HARS1: variants seen among roughly 807,000 people sequenced by gnomAD.
HARS1 encodes histidine--tRNA ligase, cytoplasmic.
In HARS1, 45 loss-of-function variants were observed where a neutral mutation model predicts 63.6. The ratio of observed to expected loss-of-function variants is 0.71; its 90% CI spans 0.56 to 0.91. HARS1 has a LOEUF of 0.91. Among genes scored for constraint, HARS1 ranks in the 40% least tolerant of loss-of-function variants. The pLI is 0.00. For missense variants in HARS1, 508 were observed against 643.2 expected, an observed-to-expected ratio of 0.79 and a Z score of 2.27; for synonymous variants, 205 against 247.1, an observed-to-expected ratio of 0.83 and a Z score of 1.60.
Position 140,673,940 on chromosome 5 carries a change from T to C in HARS1, c.*317A>G, listed in dbSNP as rs1758187872. 4 of 554,496 alleles carry C rather than the reference T, an allele frequency of 7.2e-6. No individual in the cohort carries two copies. Among genetic ancestry groups the C allele is most frequent in the East Asian group, 3.2e-5 (1 of 31,508 alleles). 34.3% of individuals were successfully genotyped at this position (554,496 alleles called of 1,614,324 possible). A position where few individuals can be genotyped will look rare whatever the true frequency, so the allele number is the denominator to read the frequency against. The stretch of plus-strand genomic sequence containing the variant: ...AGGCATTTTATTGGACCTTTGGCAA[T>C]TGGTGGTGGGGAGGCATCTGCTCCA... On this transcript the variant is annotated 3_prime_UTR_variant, in exon 13 of 13. Transcript: ENST00000504156.
At position 140,680,907 on chromosome 5, in the gene HARS1, T is replaced by TA. The variant is rs148394305; in HGVS notation, c.301-1025dup. 6.3e-3 allele frequency among the ~76,000 whole-genome samples: 949 copies of TA among 150,570 alleles called. 3 individuals are homozygous for TA. The highest frequency in any genetic ancestry group is 0.04 in the East Asian group (204 of 5,120). Reference sequence around the variant, plus strand: ...TTAGGTATATAGCTCTTTTTTTTTTTAAAAAAAAGTATTTTTCTTGATGAT... The same window carrying TA: ...TTAGGTATATAGCTCTTTTTTTTTTTAAAAAAAAAGTATTTTTCTTGATGAT... On this transcript the variant is annotated intron_variant, in intron 3 of 12. Transcript: ENST00000504156.
chr5:140,687,910 G>T (rs910104812), intron 2 of HARS1: 1 of 152,064 alleles, frequency 6.6e-6, no homozygotes, highest in Non-Finnish European at 1.5e-5. Context: ...CAAGACCAGC[G>T]CAGCCAACAC....
intron 5 of HARS1, chr5:140,678,717 G>A (rs944297038): frequency 1.1e-4 from 26 of 231,566 alleles, no homozygotes; most frequent in African/African-American, 5.0e-4. Context: ...AGTGGCAGGC[G>A]CCTGTAATCC....
Position 140,677,627 on chromosome 5 carries a change from A to G in HARS1, c.729+28T>C. The G allele has an allele frequency of 2.7e-6, 4 of 1,474,076 alleles. No individual in the cohort carries two copies. The East Asian group carries it at 6.8e-5, about 25-fold the overall frequency. 91.3% of individuals were successfully genotyped at this position (1,474,076 alleles called of 1,614,324 possible). On this transcript the variant is annotated intron_variant, in intron 7 of 12. Coordinates refer to ENST00000504156, the MANE Select transcript of HARS1 (RefSeq NM_002109.6). ...TTCCCAAGGCAGGGTGGGATCTGGG[A>G]AAAGAAGTCAAGTACTTGGGTTGTT...
chr5:140,687,218 T>C (rs1279921934), intron 2 of HARS1, among the ~76,000 whole-genome samples: 1 of 152,132 alleles, frequency 6.6e-6, no homozygotes, highest in Non-Finnish European at 1.5e-5. Flanking sequence ...TCCTCAAGGG[T>C]CAAGATTCAA....
rs777212411 is a variant in HARS1 at position 140,690,854 on chromosome 5, CCTTG to C, written c.177_180del (p.Lys60AlafsTer19). ...GTGGCTCCCTACAGGAATGATATTA[CCTTG>C]GGGGTTTTGAGCACAAATTTCTGTT... On this transcript the variant is annotated frameshift_variant and splice_region_variant, in exon 2 of 13. Coordinates refer to ENST00000504156, the MANE Select transcript of HARS1 (RefSeq NM_002109.6). LOFTEE classifies it high-confidence loss of function. The C allele has an allele frequency of 6.5e-7, 1 of 1,550,368 alleles. No homozygotes were observed. Among genetic ancestry groups the C allele is most frequent in the South Asian group, 1.1e-5 (1 of 89,824 alleles).
chr5:140,679,171 T>G lies in HARS1; in HGVS notation c.397-44A>C, dbSNP rs1241373478. ...GGAGAAAGCCCCTCCTATCACTGTCTGCAAGTTGATTATCATCACCAACAG... is the reference window on the plus strand; with the variant it reads ...GGAGAAAGCCCCTCCTATCACTGTCGGCAAGTTGATTATCATCACCAACAG... On this transcript the variant is annotated intron_variant, in intron 4 of 12. Coordinates refer to ENST00000504156, the MANE Select transcript of HARS1 (RefSeq NM_002109.6). The surrounding 1 kb of genome is among the most constrained non-coding windows in gnomAD (Gnocchi z 4.3). 20 of 1,605,106 alleles carry G rather than the reference T, an allele frequency of 1.2e-5. No homozygotes were observed. In the Admixed American group the frequency reaches 3.4e-4, roughly 27 times the overall value.
At chr5:140,684,966 A>C (rs1011157019) in intron 2 of HARS1, 1 of 152,212 alleles carries the variant, frequency 6.6e-6, no homozygotes, top group Non-Finnish European at 1.5e-5. Flanking sequence ...CTCATATGTG[A>C]TTTTTGCATT....
At chr5:140,683,430 C>T in intron 2 of HARS1, 1 of 969,548 alleles carries the variant, frequency 1.0e-6, no homozygotes. Flanking sequence ...AACTCCATTC[C>T]CTTTTAAGTT....
chr5:140,678,308 C>A, intron 5 of HARS1: 1 of 430,854 alleles, frequency 2.3e-6, no homozygotes, highest in Non-Finnish European at 4.2e-6. Context: ...CCCTATTCAT[C>A]CAGAAGCCCT....
rs1012675707 is a variant in HARS1, at chr5:140,676,879, G to C, written c.969C>G (p.Ser323Arg). Reference sequence around the variant, plus strand: ...TGTAGTAATCCAGCCCTCGAGCAAGGCTCAGGTCAAAGGAGATCTGTGGAG... The same window carrying C: ...TGTAGTAATCCAGCCCTCGAGCAAGCCTCAGGTCAAAGGAGATCTGTGGAG... ...GIDDKISFDL[S>R]LARGLDYYTG... The change falls in exon 10 of 13, where the codon AGC (serine) becomes AGG (arginine). Residue 323 changes from serine (S) to arginine (R), a missense_variant. Transcript: ENST00000504156. This position sits in a 1 kb window ranked among gnomAD's most constrained non-coding sequence, Gnocchi z 4.1. 1 of 1,613,700 alleles carries C rather than the reference G, an allele frequency of 6.2e-7. No individual in the cohort carries two copies. Among genetic ancestry groups the C allele is most frequent in the African/African-American group, 1.3e-5 (1 of 74,924 alleles).
chr5:140,690,769 A>C (rs1581531390), intron 2 of HARS1, 86 bp downstream of exon 2: 3 of 814,964 alleles, frequency 3.7e-6, no homozygotes, highest in Admixed American at 1.7e-5. Flanking sequence ...ATCCTCCTCA[A>C]TGACCTGGTT....
chr5:140,677,824 T>C (rs1390934901), intron 6 of HARS1, 71 bp from the exon 7 acceptor site: 4 of 1,377,222 alleles, frequency 2.9e-6, no homozygotes, highest in Non-Finnish European at 1.0e-6. Context: ...CATGGTCACT[T>C]AGGCTACTGG....
chr5:140,678,932 C>T lies in HARS1; in HGVS notation c.522+70G>A, dbSNP rs145059663. 1.6e-5 allele frequency: 24 copies of T among 1,526,472 alleles called. No individual in the cohort carries two copies. The East Asian group carries it at 5.2e-4, about 33-fold the overall frequency. 94.6% of individuals were successfully genotyped at this position (1,526,472 alleles called of 1,614,324 possible). On this transcript the variant is annotated intron_variant, in intron 5 of 12. Coordinates refer to ENST00000504156, the MANE Select transcript of HARS1 (RefSeq NM_002109.6). ...CAATTTGCTCAGGACACCGTGAGTA[C>T]TCAATAGATTCTGCTGGCTTGAGAG...
chr5:140,679,378 G>A lies in HARS1; in HGVS notation c.397-251C>T, dbSNP rs1242887475. ...ACTTTTTTGAGCATGGCAAGGGGCTGGGCAGGTTGGCCACAGACCAGAAAA... is the reference window on the plus strand; with the variant it reads ...ACTTTTTTGAGCATGGCAAGGGGCTAGGCAGGTTGGCCACAGACCAGAAAA... On this transcript the variant is annotated intron_variant, in intron 4 of 12. Coordinates refer to ENST00000504156, the MANE Select transcript of HARS1 (RefSeq NM_002109.6). The surrounding 1 kb of genome is among the most constrained non-coding windows in gnomAD (Gnocchi z 4.3). The A allele has an allele frequency of 4.4e-6, 2 of 450,080 alleles. No individual in the cohort carries two copies. The highest frequency in any genetic ancestry group is 2.0e-5 in the African/African-American group (1 of 49,388). 27.9% of individuals were successfully genotyped at this position (450,080 alleles called of 1,614,324 possible). A position where few individuals can be genotyped will look rare whatever the true frequency, so the allele number is the denominator to read the frequency against.
At chr5:140,675,901 T>C (rs1758336308) in intron 10 of HARS1, 1 of 152,166 alleles carries the variant, frequency 6.6e-6, no homozygotes, top group African/African-American at 2.4e-5. Context: ...GGGAAATGGG[T>C]GGTTTCCACC....
Position 140,674,195 on chromosome 5 carries a change from C to T in HARS1, c.*62G>A. On this transcript the variant is annotated 3_prime_UTR_variant, in exon 13 of 13. Coordinates refer to ENST00000504156, the MANE Select transcript of HARS1 (RefSeq NM_002109.6). ...GTGCAAAGCAATTGAAGTACATATG[C>T]AGTTTGTCTTAACCTCAAATAGTGC... The T allele has an allele frequency of 1.0e-6, 1 of 976,200 alleles. No individual in the cohort carries two copies. The highest frequency in any genetic ancestry group is 1.7e-6 in the Non-Finnish European group (1 of 596,624). 60.5% of individuals were successfully genotyped at this position (976,200 alleles called of 1,614,324 possible). A position where few individuals can be genotyped will look rare whatever the true frequency, so the allele number is the denominator to read the frequency against.
intron 6 of HARS1, 75 bp from the exon 7 acceptor site, chr5:140,677,828 C>G (rs1315970060): frequency 7.3e-7 from 1 of 1,371,476 alleles, no homozygotes. Flanking sequence ...GTCACTTAGG[C>G]TACTGGTCCC....
chr5:140,689,952 A>G (rs1030516997), intron 2 of HARS1, among the ~76,000 whole-genome samples: 15 of 152,110 alleles, frequency 9.9e-5, no homozygotes, highest in Admixed American at 9.8e-4. Flanking sequence ...CAAAACTACC[A>G]AAGTTCTTTC....
Sources: allele counts gnomAD v4.1 joint callset (sites outside exome capture counted in the v4.1 genomes callset), GRCh38; gene constraint gnomAD v4.1.1; non-coding constraint Gnocchi (gnomAD v3.1); transcripts MANE v1.5; gene names NCBI Gene and HGNC (gene_info 2026-07-23, HGNC 2026-07-21).